Variants in PARVB observed in about 807,000 individuals in gnomAD.
The protein encoded by PARVB is beta-parvin.
A neutral mutation model predicts 47.0 loss-of-function variants in PARVB; 46 were observed. That is an observed-to-expected ratio of 0.98 (90% CI 0.77 to 1.25). The LOEUF is 1.25. Ranked by LOEUF, PARVB falls within the 50% of genes most tolerant of loss-of-function variation. PARVB has a pLI of 0.00. For missense variants in PARVB, 473 were observed against 471.6 expected (o/e 1.00, Z -0.03); for synonymous variants, 196 against 196.3 (o/e 1.00, Z 0.01).
chr22:44,138,059 G>A (rs373918912), intron 7 of PARVB, among the ~76,000 whole-genome samples: 1 of 152,182 alleles, frequency 6.6e-6, no homozygotes, highest in Non-Finnish European at 1.5e-5. Context: ...CAGAGAATGA[G>A]CAAGTGGGTG....
chr22:44,121,955 A>G (rs1391613833), intron 4 of PARVB, among the ~76,000 whole-genome samples: 1 of 152,188 alleles, frequency 6.6e-6, no homozygotes, highest in Non-Finnish European at 1.5e-5. Context: ...TTTCTTTGCC[A>G]TTATTTTTTA....
At chr22:44,132,872 C>G (rs985425343) in intron 5 of PARVB, 22 bp from the exon 6 acceptor site, 2 of 1,554,558 alleles carry the variant, frequency 1.3e-6, no homozygotes, top group African/African-American at 1.4e-5. Context: ...TAAAGCGTCT[C>G]CCTTCCTCCT....
At chr22:44,168,540 A>C in intron 12 of PARVB, 62 bp from the exon 13 acceptor site, 2 of 1,104,866 alleles carry the variant, frequency 1.8e-6, no homozygotes, top group Admixed American at 3.4e-5. Flanking sequence ...GGCTTCTGAG[A>C]GTACCTACCG....
chr22:44,086,177 A>G (rs762188745), intron 1 of PARVB, among the ~76,000 whole-genome samples: 2 of 152,076 alleles, frequency 1.3e-5, no homozygotes, highest in Admixed American at 6.5e-5. Flanking sequence ...ATGTACATAA[A>G]TACACCGAGC....
At chr22:44,087,921 C>A (rs1003531975) in intron 1 of PARVB, among the ~76,000 whole-genome samples, 1 of 149,248 alleles carries the variant, frequency 6.7e-6, no homozygotes, top group Non-Finnish European at 1.5e-5. Flanking sequence ...GGAAGCCGCA[C>A]ATATTCCACC....
At chr22:44,133,683 C>A (rs1181429965) in intron 6 of PARVB, among the ~76,000 whole-genome samples, 1 of 152,142 alleles carries the variant, frequency 6.6e-6, no homozygotes, top group Middle Eastern at 3.2e-3. Context: ...GGACTACAGG[C>A]ACATGCCACC....
chr22:44,105,708 G>C (rs984301148), intron 3 of PARVB: 1 of 152,236 alleles, frequency 6.6e-6, no homozygotes. Flanking sequence ...TAGATAGTAA[G>C]AGAACCGATG....
rs773911211 is a variant in PARVB at position 44,168,583 on chromosome 22, T to C, written c.1019-19T>C. 1.2e-5 allele frequency: 19 copies of C among 1,586,768 alleles called. No homozygotes were observed. In the African/African-American group the frequency reaches 1.6e-4, roughly 13 times the overall value. On this transcript the variant is annotated intron_variant, in intron 12 of 12. Coordinates refer to ENST00000338758, the MANE Select transcript of PARVB (RefSeq NM_013327.5). ...AGGAGGATGGCACGCCTCTGAAGTT[T>C]CTCTGTTTCCTTCTGCAGACGTGGT...
chr22:44,153,963 T>G (rs1165051345), intron 10 of PARVB, among the ~76,000 whole-genome samples: 2 of 152,172 alleles, frequency 1.3e-5, no homozygotes, highest in Non-Finnish European at 2.9e-5. Context: ...AATAAAAGCC[T>G]AGAAGTGGAG....
Position 44,122,488 on chromosome 22 carries a change from A to AAGAGAGAG in PARVB, c.376+3372_376+3379dup, listed in dbSNP as rs766162295. ...GCAACAGAGTGAGACCCTGTCGATC[A>AAGAGAGAG]AGAGAGAGAGAGAGAGAGAGAGAGA... On this transcript the variant is annotated intron_variant, in intron 4 of 12. Coordinates refer to ENST00000338758, the MANE Select transcript of PARVB (RefSeq NM_013327.5). 2.6e-3 allele frequency among the ~76,000 whole-genome samples: 198 copies of AAGAGAGAG among 76,658 alleles called. 12 individuals are homozygous for AAGAGAGAG. The highest frequency in any genetic ancestry group is 6.1e-3 in the Middle Eastern group (1 of 164). 50.3% of individuals were successfully genotyped at this position (76,658 alleles called of 152,430 possible).
intron 2 of PARVB, among the ~76,000 whole-genome samples, chr22:44,008,487 A>G (rs2050489788): frequency 6.6e-6 from 1 of 152,200 alleles, no homozygotes; most frequent in South Asian, 2.1e-4. Flanking sequence ...CTGAGAAAAA[A>G]AGATTCATTT....
rs1569172418 is a variant in PARVB, at chr22:44,171,950, T to C, written c.*3272T>C. 1.3e-5 allele frequency: 2 copies of C among 151,832 alleles called. No individual in the cohort carries two copies. Among genetic ancestry groups the C allele is most frequent in the Non-Finnish European group, 2.9e-5 (2 of 68,024 alleles). 9.4% of individuals were successfully genotyped at this position (151,832 alleles called of 1,614,324 possible). ...TCCTGGGCTCAAGTGATCCACCCAC[T>C]TCTGTATCCTGAGTCCCTGGAACGG... On this transcript the variant is annotated 3_prime_UTR_variant, in exon 13 of 13. Coordinates refer to ENST00000338758, the MANE Select transcript of PARVB (RefSeq NM_013327.5).
At chr22:44,045,298 C>A (rs1368915443) in intron 1 of PARVB, among the ~76,000 whole-genome samples, 4 of 152,150 alleles carry the variant, frequency 2.6e-5, no homozygotes, top group African/African-American at 9.7e-5. Context: ...ATGCTAGTCA[C>A]AGTTTCCTAA....
At chr22:44,142,628 C>T (rs1167816179) in intron 8 of PARVB, 1 of 152,100 alleles carries the variant, frequency 6.6e-6, no homozygotes, top group Admixed American at 6.5e-5. Flanking sequence ...CATGAATGAG[C>T]TTTAGGGTCT....
intron 10 of PARVB, among the ~76,000 whole-genome samples, chr22:44,154,722 TAGTCTGTGTGGTGTGTGTGTGGTTTATGC>T (rs1213757448): frequency 4.1e-5 from 6 of 147,936 alleles, no homozygotes; most frequent in East Asian, 2.0e-4. Context: ...TGTGGTTAAG[TAGTCTGTGTGGTGTGTGTGTGGTTTATGC>T]AGTCTGTGTG....
chr22:44,075,880 C>T (rs2051760754), intron 1 of PARVB, among the ~76,000 whole-genome samples: 1 of 152,226 alleles, frequency 6.6e-6, no homozygotes, highest in Non-Finnish European at 1.5e-5. Flanking sequence ...ATGTATAGCC[C>T]AGGTGCTGTG....
intron 3 of PARVB, chr22:44,111,041 A>G (rs982722778): frequency 6.6e-6 from 1 of 152,194 alleles, no homozygotes; most frequent in African/African-American, 2.4e-5. Context: ...GAAAAATCCA[A>G]TAGAAGGCAG....
chr22:44,117,299 G>A (rs960409970), intron 3 of PARVB, among the ~76,000 whole-genome samples: 53 of 152,156 alleles, frequency 3.5e-4, no homozygotes, highest in African/African-American at 1.2e-3. Flanking sequence ...TAAGGGTCAG[G>A]GGAGTCAGGG....
chr22:44,008,239 G>A (rs2050486690), intron 2 of PARVB, among the ~76,000 whole-genome samples: 1 of 152,062 alleles, frequency 6.6e-6, no homozygotes, highest in Admixed American at 6.6e-5. Context: ...CCGCCTCCGA[G>A]TAGCTGGGAT....
Sources: allele counts gnomAD v4.1 joint callset (sites outside exome capture counted in the v4.1 genomes callset), GRCh38; gene constraint gnomAD v4.1.1; transcripts MANE v1.5; gene names NCBI Gene and HGNC (gene_info 2026-07-23, HGNC 2026-07-21).